UBE3A: variants seen among roughly 807,000 people sequenced by gnomAD.
UBE3A encodes the protein ubiquitin protein ligase E3A, also known as ubiquitin-protein ligase E3A.
Under a neutral mutation model 83.4 loss-of-function variants are expected in UBE3A, and 6 were observed. That is an observed-to-expected ratio of 0.07 (90% CI 0.04 to 0.14). The LOEUF is 0.14. Among genes scored for constraint, UBE3A ranks in the 10% least tolerant of loss-of-function variants. The pLI is 1.00. For missense variants in UBE3A, 456 were observed against 1,036.1 expected (o/e 0.44, Z 7.69); for synonymous variants, 337 against 355.4 (o/e 0.95, Z 0.58).
intron 1 of UBE3A, among the ~76,000 whole-genome samples, chr15:25,417,308 TA>T (rs1240574592): frequency 1.3e-5 from 2 of 152,038 alleles, no homozygotes; most frequent in Non-Finnish European, 2.9e-5. Flanking sequence ...CCTGAAGGGA[TA>T]AAACTGACCA....
intron 1 of UBE3A, among the ~76,000 whole-genome samples, chr15:25,424,235 A>T (rs759943277): frequency 1.3e-5 from 2 of 152,270 alleles, no homozygotes; most frequent in South Asian, 4.1e-4. Context: ...CGAGTTCTTC[A>T]AACACATCAG....
At chr15:25,360,771 T>A (rs902847243) in intron 6 of UBE3A, among the ~76,000 whole-genome samples, 12 of 152,306 alleles carry the variant, frequency 7.9e-5, no homozygotes, top group African/African-American at 2.6e-4. Flanking sequence ...TGATTTGTTA[T>A]GAAATTAACA....
intron 4 of UBE3A, among the ~76,000 whole-genome samples, chr15:25,392,760 T>C (rs1054384193): frequency 6.6e-6 from 1 of 152,064 alleles, no homozygotes; most frequent in Non-Finnish European, 1.5e-5. Flanking sequence ...CCTGAAAACA[T>C]GATATTATAA....
chr15:25,360,659 A>G (rs1169774038), intron 6 of UBE3A, 132 bp from the exon 7 acceptor site: 3 of 984,732 alleles, frequency 3.0e-6, no homozygotes, highest in African/African-American at 3.3e-5. Flanking sequence ...GGAAACAGAA[A>G]GCAAACTGAT....
intron 6 of UBE3A, 99 bp from the exon 7 acceptor site, chr15:25,360,626 T>C: frequency 1.4e-6 from 2 of 1,398,156 alleles, no homozygotes; most frequent in Non-Finnish European, 9.7e-7. Flanking sequence ...CAAATACAAA[T>C]TTTTGACTTT....
rs538390541 is a variant in UBE3A at position 25,346,526 on chromosome 15, T to C, written c.2355-6298A>G. On this transcript the variant is annotated intron_variant, in intron 11 of 12. Coordinates refer to ENST00000648336, the MANE Select transcript of UBE3A (RefSeq NM_130839.5). The stretch of plus-strand genomic sequence containing the variant: ...CATACCAAGAACCAGGAAAATTACA[T>C]GAAGGAAAGAAAACGCCAACACTGG... 2.0e-5 allele frequency: 3 copies of C among 152,088 alleles called. No individual in the cohort carries two copies. In the South Asian group the frequency reaches 6.2e-4, roughly 32 times the overall value. The allele number at this position is 152,088 out of a possible 1,614,324, so 9.4% of individuals were successfully genotyped here.
chr15:25,409,290 CA>C, intron 2 of UBE3A, 83 bp from the exon 3 acceptor site: 3 of 474,582 alleles, frequency 6.3e-6, no homozygotes, highest in Non-Finnish European at 1.1e-5. Context: ...TTCAAAGCTT[CA>C]AATTAGGTGT....
chr15:25,402,382 G>A (rs1393463162), intron 4 of UBE3A, among the ~76,000 whole-genome samples: 1 of 152,208 alleles, frequency 6.6e-6, no homozygotes, highest in Non-Finnish European at 1.5e-5. Context: ...CTGGGTAGGT[G>A]GATGTTGGCC....
At chr15:25,346,501 C>T (rs935728851) in intron 11 of UBE3A, 1 of 152,112 alleles carries the variant, frequency 6.6e-6, no homozygotes, top group African/African-American at 2.4e-5. Context: ...AATTATCTGT[C>T]ATACCAAGAA....
chr15:25,371,821 T>A lies in UBE3A; in HGVS notation c.362-9A>T, dbSNP rs1386280614. On this transcript the variant is annotated splice_polypyrimidine_tract_variant and intron_variant, in intron 5 of 12. Transcript: ENST00000648336. The surrounding 1 kb of genome is among the most constrained non-coding windows in gnomAD (Gnocchi z 5.3). ...TGTTAAGTAAGTCACATCTAGAAAATCAGAGGAAAAAAGAGAACATTTATT... is the reference window on the plus strand; with the variant it reads ...TGTTAAGTAAGTCACATCTAGAAAAACAGAGGAAAAAAGAGAACATTTATT... The A allele has an allele frequency of 5.6e-6, 9 of 1,602,064 alleles. No individual in the cohort carries two copies. In the Admixed American group the frequency reaches 6.8e-5, roughly 12 times the overall value.
chr15:25,372,105 A>C (rs958524800), intron 5 of UBE3A, among the ~76,000 whole-genome samples: 3 of 152,220 alleles, frequency 2.0e-5, no homozygotes, highest in Non-Finnish European at 4.4e-5. Flanking sequence ...TAATCAAGAT[A>C]TCTATTAATG....
At chr15:25,393,425 C>A in intron 4 of UBE3A, among the ~76,000 whole-genome samples, 1 of 152,106 alleles carries the variant, frequency 6.6e-6, no homozygotes, top group Admixed American at 6.6e-5. Context: ...AAACAAAGAA[C>A]TCGGTGAATC....
chr15:25,408,876 A>G (rs1329965637), intron 3 of UBE3A, among the ~76,000 whole-genome samples: 3 of 152,222 alleles, frequency 2.0e-5, no homozygotes, highest in Non-Finnish European at 4.4e-5. Flanking sequence ...CTGTTTATAC[A>G]TACAGATAGG....
At chr15:25,390,881 G>A (rs2084195181) in intron 4 of UBE3A, among the ~76,000 whole-genome samples, 2 of 151,556 alleles carry the variant, frequency 1.3e-5, no homozygotes, top group Admixed American at 1.3e-4. Context: ...GTGTGTGGAA[G>A]GAGGTACAGG....
intron 3 of UBE3A, chr15:25,408,577 T>C (rs768431851): frequency 3.1e-6 from 5 of 1,613,576 alleles, no homozygotes; most frequent in Non-Finnish European, 4.2e-6. Flanking sequence ...CCCACTAATC[T>C]GAATACTGCA....
At chr15:25,374,729 A>G (rs2080904101) in intron 5 of UBE3A, 2 of 152,226 alleles carry the variant, frequency 1.3e-5, no homozygotes, top group South Asian at 4.1e-4. Context: ...CTCTCTTAAA[A>G]TACAATTGCC....
At chr15:25,359,780 C>T (rs1384190248) in intron 7 of UBE3A, among the ~76,000 whole-genome samples, 1 of 152,072 alleles carries the variant, frequency 6.6e-6, no homozygotes, top group Non-Finnish European at 1.5e-5. Context: ...AAATTCTGAT[C>T]CTTCACTTTC....
intron 5 of UBE3A, chr15:25,375,140 G>A: frequency 3.4e-6 from 1 of 290,124 alleles, no homozygotes; most frequent in South Asian, 3.8e-5. Flanking sequence ...CAGATACTTA[G>A]TCCAGTTATT....
intron 4 of UBE3A, among the ~76,000 whole-genome samples, chr15:25,387,488 C>CTCCA: frequency 6.6e-6 from 1 of 151,878 alleles, no homozygotes; most frequent in Non-Finnish European, 1.5e-5. Flanking sequence ...AGCCACTGCA[C>CTCCA]TCCAGCCTGG....
Sources: gnomAD v4.1 joint callset for allele counts (sites outside exome capture counted in the v4.1 genomes callset) on GRCh38, gnomAD v4.1.1 for gene constraint, Gnocchi (gnomAD v3.1) non-coding constraint, MANE v1.5 for transcripts, NCBI Gene and HGNC (gene_info 2026-07-23, HGNC 2026-07-21) for gene names.